The following ROBO1 variants were observed in gnomAD, a reference collection of about 807,000 sequenced individuals.
ROBO1 encodes roundabout guidance receptor 1.
Under a neutral mutation model 195.9 loss-of-function variants are expected in ROBO1, and 149 were observed. The observed-to-expected ratio is 0.76, with a 90% CI of 0.67 to 0.87. ROBO1 has a LOEUF of 0.87. ROBO1 is among the 40% of genes least tolerant of loss of function. The pLI is 0.00. For synonymous variants in ROBO1, 816 were observed against 733.2 expected (o/e 1.11, Z -1.82); for missense variants, 1,933 against 2,068.3 (o/e 0.93, Z 1.27).
intron 2 of ROBO1, among the ~76,000 whole-genome samples, chr3:79,300,374 C>T (rs9809987): frequency 0.11 from 16,957 of 152,280 alleles, 2,495 homozygotes; most frequent in African/African-American, 0.34. Flanking sequence ...CCAGCAGCTG[C>T]GGAGCGTGTA....
chr3:78,719,590 C>T (rs1490344841), intron 5 of ROBO1, among the ~76,000 whole-genome samples: 1 of 151,920 alleles, frequency 6.6e-6, no homozygotes, highest in Non-Finnish European at 1.5e-5. Flanking sequence ...ATGATATGTG[C>T]TGTTTTATAA....
At chr3:78,859,116 C>T (rs534480920) in intron 4 of ROBO1, among the ~76,000 whole-genome samples, 12 of 152,144 alleles carry the variant, frequency 7.9e-5, no homozygotes, top group African/African-American at 2.6e-4. Flanking sequence ...CCTGAAGTAC[C>T]GCAGGAGGAA....
At chr3:79,167,505 GCTA>G (rs2081090492) in intron 2 of ROBO1, among the ~76,000 whole-genome samples, 1 of 152,050 alleles carries the variant, frequency 6.6e-6, no homozygotes, top group South Asian at 2.1e-4. Flanking sequence ...TCATTTTGGG[GCTA>G]CTGTCTTCAT....
chr3:79,408,078 T>A (rs888225076), intron 2 of ROBO1, among the ~76,000 whole-genome samples: 3 of 151,544 alleles, frequency 2.0e-5, no homozygotes, highest in Non-Finnish European at 4.4e-5. Flanking sequence ...TAGCGAGGAG[T>A]GGTGGTACAT....
intron 2 of ROBO1, among the ~76,000 whole-genome samples, chr3:79,381,076 C>A (rs748603202): frequency 2.6e-5 from 4 of 151,964 alleles, no homozygotes; most frequent in African/African-American, 4.8e-5. Flanking sequence ...ATAAGAAATG[C>A]GGCTGGGCGC....
intron 2 of ROBO1, among the ~76,000 whole-genome samples, chr3:79,210,963 T>C (rs2081957266): frequency 6.6e-6 from 1 of 152,094 alleles, no homozygotes; most frequent in African/African-American, 2.4e-5. Context: ...TGGAATTAAA[T>C]TGTGCTTTAT....
intron 3 of ROBO1, among the ~76,000 whole-genome samples, chr3:79,071,732 A>G (rs1245588511): frequency 2.0e-5 from 3 of 148,094 alleles, no homozygotes; most frequent in Non-Finnish European, 4.5e-5. Context: ...ATGCACACAC[A>G]CACACACGCA....
At chr3:78,711,370 C>T (rs796429769) in intron 8 of ROBO1, among the ~76,000 whole-genome samples, 387 of 27,284 alleles carry the variant, frequency 0.014, no homozygotes, top group African/African-American at 0.048. Context: ...TTCCTTCCTT[C>T]CTTCCTTCCT....
chr3:78,711,088 G>A (rs1357879645), intron 8 of ROBO1, among the ~76,000 whole-genome samples: 2 of 152,072 alleles, frequency 1.3e-5, no homozygotes, highest in Non-Finnish European at 2.9e-5. Context: ...ATGACGTTAT[G>A]AGATACAGAC....
intron 1 of ROBO1, among the ~76,000 whole-genome samples, chr3:79,594,000 G>A (rs1011087255): frequency 6.6e-6 from 1 of 151,946 alleles, no homozygotes; most frequent in Non-Finnish European, 1.5e-5. Flanking sequence ...CTTCCAGTGT[G>A]TGGCTTGTCT....
At chr3:79,481,492 T>C (rs1234898656) in intron 2 of ROBO1, among the ~76,000 whole-genome samples, 3 of 152,222 alleles carry the variant, frequency 2.0e-5, no homozygotes, top group African/African-American at 7.2e-5. Flanking sequence ...ACTGGCCTGC[T>C]TCAAAGAGGT....
chr3:78,606,059 G>T (rs1430529414), intron 29 of ROBO1, among the ~76,000 whole-genome samples: 1 of 152,174 alleles, frequency 6.6e-6, no homozygotes, highest in Admixed American at 6.6e-5. Context: ...AGTGCTGCCA[G>T]TTATTTTTCT....
chr3:79,166,520 G>A (rs2108680089), intron 2 of ROBO1, among the ~76,000 whole-genome samples: 1 of 150,544 alleles, frequency 6.6e-6, no homozygotes, highest in African/African-American at 2.4e-5. Flanking sequence ...CTTCCCACTA[G>A]AATGTAAGTT....
chr3:79,721,465 A>T (rs1702700121), intron 1 of ROBO1, among the ~76,000 whole-genome samples: 1 of 152,094 alleles, frequency 6.6e-6, no homozygotes, highest in African/African-American at 2.4e-5. Context: ...TGGTTTTACA[A>T]ATAGGAGGAA....
At chr3:79,373,609 A>G (rs541375918) in intron 2 of ROBO1, among the ~76,000 whole-genome samples, 1 of 152,314 alleles carries the variant, frequency 6.6e-6, no homozygotes, top group East Asian at 1.9e-4. Context: ...AAACTCTGCC[A>G]TTTTCATAAA....
At chr3:79,343,042 C>T (rs1460357473) in intron 2 of ROBO1, among the ~76,000 whole-genome samples, 2 of 152,166 alleles carry the variant, frequency 1.3e-5, no homozygotes, top group Non-Finnish European at 2.9e-5. Flanking sequence ...CAATTGTTCT[C>T]TTCACTGTTT....
chr3:79,043,846 T>C (rs1039173027), intron 3 of ROBO1, among the ~76,000 whole-genome samples: 23 of 152,180 alleles, frequency 1.5e-4, no homozygotes, highest in Non-Finnish European at 3.4e-4. Context: ...TTGCTCTCTA[T>C]GTCTAATGGA....
chr3:79,204,478 CTT>C (rs756215943), intron 2 of ROBO1, among the ~76,000 whole-genome samples: 4 of 151,950 alleles, frequency 2.6e-5, no homozygotes, highest in Non-Finnish European at 5.9e-5. Flanking sequence ...TCTCTAACCC[CTT>C]GTTAGTACAA....
At chr3:78,799,288 G>T (rs1284117665) in intron 4 of ROBO1, among the ~76,000 whole-genome samples, 3 of 151,552 alleles carry the variant, frequency 2.0e-5, no homozygotes, top group Admixed American at 6.6e-5. Flanking sequence ...TCAAGCTTAT[G>T]TCCTACTCTA....
Sources: gnomAD v4.1 joint callset for allele counts (sites outside exome capture counted in the v4.1 genomes callset) on GRCh38, gnomAD v4.1.1 for gene constraint, MANE v1.5 for transcripts, NCBI Gene and HGNC (gene_info 2026-07-23, HGNC 2026-07-21) for gene names.